The following PCDHGB6 variants were observed in gnomAD, a reference collection of about 807,000 sequenced individuals.
PCDHGB6 encodes the protein protocadherin gamma-B6.
Under a neutral mutation model 59.1 loss-of-function variants are expected in PCDHGB6, and 51 were observed. The ratio of observed to expected loss-of-function variants is 0.86; its 90% CI spans 0.69 to 1.09. The LOEUF (loss-of-function observed/expected upper bound fraction) is 1.09. Among genes scored for constraint, PCDHGB6 ranks in the 50% least tolerant of loss-of-function variants. PCDHGB6 has a pLI of 0.00. For missense variants in PCDHGB6, 1,148 were observed against 1,205.1 expected (o/e 0.95, Z 0.70); for synonymous variants, 466 against 495.1 (o/e 0.94, Z 0.78).
At chr5:141,500,699 A>G (rs780869966) in intron 2 of PCDHGB6, among the ~76,000 whole-genome samples, 1 of 152,156 alleles carries the variant, frequency 6.6e-6, no homozygotes, top group Non-Finnish European at 1.5e-5. Context: ...TCTTCTTTGC[A>G]GTGTATCATG....
At chr5:141,484,707 G>C (rs1288663675) in intron 1 of PCDHGB6, among the ~76,000 whole-genome samples, 1 of 151,802 alleles carries the variant, frequency 6.6e-6, no homozygotes. Flanking sequence ...TGTTTTCCCC[G>C]CCGAAAAGGG....
chr5:141,420,061 G>C, intron 1 of PCDHGB6: 1 of 1,614,076 alleles, frequency 6.2e-7, no homozygotes. Flanking sequence ...TCTGCTCCAA[G>C]TCCGGACCTG....
At chr5:141,484,989 T>C (rs1295192640) in intron 1 of PCDHGB6, 4 of 604,024 alleles carry the variant, frequency 6.6e-6, no homozygotes, top group Non-Finnish European at 1.2e-5. Context: ...AATCGGGTGG[T>C]GAAAGGCAGA....
At chr5:141,450,829 A>ATTTTT (rs373424450) in intron 1 of PCDHGB6, among the ~76,000 whole-genome samples, 3 of 135,122 alleles carry the variant, frequency 2.2e-5, no homozygotes, top group Admixed American at 7.6e-5. Flanking sequence ...TATTATTATT[A>ATTTTT]TTTTTTTTTT....
intron 1 of PCDHGB6, among the ~76,000 whole-genome samples, chr5:141,483,725 C>T (rs903001715): frequency 1.3e-5 from 2 of 152,008 alleles, no homozygotes; most frequent in Non-Finnish European, 1.5e-5. Context: ...TGGTTCCCAC[C>T]ATAGTCAAAA....
intron 1 of PCDHGB6, chr5:141,478,419 G>A (rs2530208): frequency 3.7e-6 from 6 of 1,613,632 alleles, no homozygotes; most frequent in South Asian, 2.2e-5. Context: ...GACTCCCGCC[G>A]CAGCGACCCG....
chr5:141,443,226 A>T (rs2098374954), intron 1 of PCDHGB6, among the ~76,000 whole-genome samples: 1 of 152,042 alleles, frequency 6.6e-6, no homozygotes, highest in Non-Finnish European at 1.5e-5. Flanking sequence ...CGCATCTATA[A>T]TCTTAGCACT....
Position 141,432,454 on chromosome 5 carries a change from C to T in PCDHGB6, c.2418+21834C>T, listed in dbSNP as rs751733947. On this transcript the variant is annotated intron_variant, in intron 1 of 3. Coordinates refer to ENST00000520790, the MANE Select transcript of PCDHGB6 (RefSeq NM_018926.3). The surrounding 1 kb of genome is among the most constrained non-coding windows in gnomAD (Gnocchi z 6.0). ...ACAATGCGCCCGAGATCCTGTACCC[C>T]GCCCTCCCCACGGACGGTTCCACTG... 134 of 1,614,108 alleles carry T rather than the reference C, an allele frequency of 8.3e-5. No homozygotes were observed. The highest frequency in any genetic ancestry group is 1.1e-4 in the Non-Finnish European group (133 of 1,180,058).
chr5:141,481,071 A>G (rs887828386), intron 1 of PCDHGB6, among the ~76,000 whole-genome samples: 19 of 152,172 alleles, frequency 1.2e-4, no homozygotes, highest in African/African-American at 4.6e-4. Context: ...AACAAAAAGA[A>G]AGAAAGAAAA....
At chr5:141,495,974 CTCTT>C (rs1562171251) in intron 2 of PCDHGB6, among the ~76,000 whole-genome samples, 2 of 152,032 alleles carry the variant, frequency 1.3e-5, no homozygotes, top group Non-Finnish European at 1.5e-5. Context: ...TTCTCTGTTA[CTCTT>C]TCTTTATCTC....
intron 1 of PCDHGB6, among the ~76,000 whole-genome samples, chr5:141,469,031 C>T (rs963001535): frequency 1.3e-5 from 2 of 152,070 alleles, no homozygotes; most frequent in Admixed American, 6.6e-5. Flanking sequence ...AATCCCAGCA[C>T]TTTGGGAGGC....
intron 2 of PCDHGB6, among the ~76,000 whole-genome samples, chr5:141,499,689 C>CTTTTTTT (rs545067566): frequency 3.3e-5 from 4 of 119,856 alleles, no homozygotes; most frequent in Admixed American, 8.7e-5. Context: ...TAACAGATGA[C>CTTTTTTT]TTTTTTTTTT....
chr5:141,420,911 T>C (rs948220220), intron 1 of PCDHGB6: 6 of 313,968 alleles, frequency 1.9e-5, no homozygotes, highest in Admixed American at 1.8e-4. Flanking sequence ...CAAATACGTG[T>C]GATTCACAAA....
chr5:141,475,947 C>A, intron 1 of PCDHGB6: 1 of 748,120 alleles, frequency 1.3e-6, no homozygotes, highest in Non-Finnish European at 2.1e-6. Context: ...CGTCCCCTTT[C>A]TGCGCCCCGG....
At chr5:141,462,813 TTGG>T (rs1474162732) in intron 1 of PCDHGB6, among the ~76,000 whole-genome samples, 1 of 152,198 alleles carries the variant, frequency 6.6e-6, no homozygotes, top group African/African-American at 2.4e-5. Flanking sequence ...AATGTTTTTA[TTGG>T]ACAGCAGACA....
intron 1 of PCDHGB6, among the ~76,000 whole-genome samples, chr5:141,467,062 T>C (rs2099136058): frequency 6.6e-6 from 1 of 151,686 alleles, no homozygotes; most frequent in South Asian, 2.1e-4. Context: ...TTTCTTTTTT[T>C]TTTTTTTTTA....
Position 141,463,645 on chromosome 5 carries a change from G to T in PCDHGB6, c.2419-31162G>T, listed in dbSNP as rs372962993. ...TTGTATTTTGTTTAGTAGAGACGGG[G>T]TTTCACCGTGTTAGCCAGGATGGTC... On this transcript the variant is annotated intron_variant, in intron 1 of 3. Transcript: ENST00000520790. 7.9e-5 allele frequency among the ~76,000 whole-genome samples: 12 copies of T among 151,840 alleles called. No individual in the cohort carries two copies. In the East Asian group the frequency reaches 2.1e-3, roughly 27 times the overall value.
rs752145084 is a variant in PCDHGB6 at position 141,489,550 on chromosome 5, C to T, written c.2419-5257C>T. On this transcript the variant is annotated intron_variant, in intron 1 of 3. Coordinates refer to ENST00000520790, the MANE Select transcript of PCDHGB6 (RefSeq NM_018926.3). This position sits in a 1 kb window ranked among gnomAD's most constrained non-coding sequence, Gnocchi z 4.5. ...ATGTGGAGCCAGCACCAGCTGCCTGCTGCCAGTGCAGGTGGTGACTGAACA... is the reference window on the plus strand; with the variant it reads ...ATGTGGAGCCAGCACCAGCTGCCTGTTGCCAGTGCAGGTGGTGACTGAACA... The T allele has an allele frequency of 1.2e-6, 2 of 1,614,132 alleles. No homozygotes were observed. The highest frequency in any genetic ancestry group is 1.7e-5 in the Admixed American group (1 of 60,030).
At chr5:141,427,461 G>A (rs1397917549) in intron 1 of PCDHGB6, 1 of 497,998 alleles carries the variant, frequency 2.0e-6, no homozygotes, top group Admixed American at 2.3e-5. Context: ...TTTTAGAATC[G>A]AATCTTCCGC....
Sources: gnomAD v4.1 joint callset for allele counts (sites outside exome capture counted in the v4.1 genomes callset) on GRCh38, gnomAD v4.1.1 for gene constraint, Gnocchi (gnomAD v3.1) non-coding constraint, MANE v1.5 for transcripts, NCBI Gene and HGNC (gene_info 2026-07-23, HGNC 2026-07-21) for gene names.